Variants in IKBKB-DT observed in about 807,000 individuals in gnomAD.
IKBKB-DT encodes the protein IKBKB divergent transcript.
At chr8:42,246,054 C>T (rs986542200) in intron 3 of IKBKB-DT, among the ~76,000 whole-genome samples, 1 of 151,986 alleles carries the variant, frequency 6.6e-6, no homozygotes, top group Non-Finnish European at 1.5e-5. Context: ...TTTTTTGTTT[C>T]GAGACAGGAT....
At chr8:42,255,990 C>T (rs1807194911) in intron 3 of IKBKB-DT, among the ~76,000 whole-genome samples, 1 of 149,658 alleles carries the variant, frequency 6.7e-6, no homozygotes, top group East Asian at 2.0e-4. Flanking sequence ...TGCACCATTG[C>T]ACTCCAGCCT....
At chr8:42,241,184 G>T (rs1214051161) in intron 3 of IKBKB-DT, among the ~76,000 whole-genome samples, 3 of 130,316 alleles carry the variant, frequency 2.3e-5, no homozygotes, top group African/African-American at 8.2e-5. Context: ...GAAGCTACTG[G>T]TTTATTCCCA....
chr8:42,271,136 G>C (rs945351648), exon 1 of IKBKB-DT: 1 of 535,048 alleles, frequency 1.9e-6, no homozygotes, highest in Non-Finnish European at 3.3e-6. Flanking sequence ...GGTGAGCACG[G>C]TCTGTCTACT....
chr8:42,264,000 T>A (rs1335195671), intron 2 of IKBKB-DT, among the ~76,000 whole-genome samples: 1 of 151,756 alleles, frequency 6.6e-6, no homozygotes, highest in Non-Finnish European at 1.5e-5. Flanking sequence ...TTAGTAGAGA[T>A]GGGGTTTCAC....
chr8:42,266,677 T>C (rs1303821228), intron 1 of IKBKB-DT, among the ~76,000 whole-genome samples: 1 of 152,090 alleles, frequency 6.6e-6, no homozygotes, highest in Non-Finnish European at 1.5e-5. Context: ...CTGCACAAGA[T>C]ATAGGTCATA....
chr8:42,254,812 C>T (rs1436992271), intron 3 of IKBKB-DT, among the ~76,000 whole-genome samples: 8 of 151,268 alleles, frequency 5.3e-5, no homozygotes, highest in African/African-American at 1.9e-4. Flanking sequence ...CCCGGCTACC[C>T]CATCTGGGAA....
At chr8:42,235,941 C>T (rs973893280) in intron 3 of IKBKB-DT, among the ~76,000 whole-genome samples, 6 of 151,810 alleles carry the variant, frequency 4.0e-5, no homozygotes, top group South Asian at 4.2e-4. Context: ...TTGCTTGAAC[C>T]GGGTGGGGGT....
chr8:42,258,021 GA>G (rs1807230512), intron 3 of IKBKB-DT, among the ~76,000 whole-genome samples: 1 of 151,126 alleles, frequency 6.6e-6, no homozygotes, highest in Admixed American at 6.6e-5. Context: ...TGAAACACAG[GA>G]AATTATTCTG....
intron 3 of IKBKB-DT, among the ~76,000 whole-genome samples, chr8:42,252,430 A>G (rs979500103): frequency 1.3e-5 from 2 of 152,038 alleles, no homozygotes; most frequent in Non-Finnish European, 2.9e-5. Flanking sequence ...TGCATCCTCT[A>G]TTTCCTTGGT....
rs150524164 is a variant in IKBKB-DT at position 42,244,531 on chromosome 8, A to T, written n.1530-10672T>A. Among the ~76,000 whole-genome samples, 999 of 152,314 alleles carry T rather than the reference A, an allele frequency of 6.6e-3. 7 individuals are homozygous for T. The highest frequency in any genetic ancestry group is 7.8e-3 in the Non-Finnish European group (532 of 68,028). On this transcript the variant is annotated intron_variant and non_coding_transcript_variant, in intron 3 of 3. Transcript: ENST00000518213. ...AGGTATTCCTGTGCTGATTAATAAT[A>T]ATTTGAAAAAGCAATTGAATTTTTT... is the stretch of plus-strand genomic sequence containing the variant.
At chr8:42,239,908 G>A (rs1026713988) in intron 3 of IKBKB-DT, among the ~76,000 whole-genome samples, 1 of 151,394 alleles carries the variant, frequency 6.6e-6, no homozygotes, top group Non-Finnish European at 1.5e-5. Flanking sequence ...CAAAGTGTTG[G>A]GATTATAGGC....
At chr8:42,242,935 T>G (rs1000279514) in intron 3 of IKBKB-DT, among the ~76,000 whole-genome samples, 1 of 152,232 alleles carries the variant, frequency 6.6e-6, no homozygotes, top group Non-Finnish European at 1.5e-5. Flanking sequence ...AGTTGCTACT[T>G]GCAGAATCCA....
chr8:42,248,621 C>G (rs1311867310), intron 3 of IKBKB-DT, among the ~76,000 whole-genome samples: 3 of 152,118 alleles, frequency 2.0e-5, no homozygotes, highest in Non-Finnish European at 4.4e-5. Flanking sequence ...TGGCTCATGT[C>G]TGTAATCCCA....
intron 3 of IKBKB-DT, among the ~76,000 whole-genome samples, chr8:42,248,455 G>T (rs1807088967): frequency 6.6e-6 from 1 of 152,294 alleles, no homozygotes; most frequent in Admixed American, 6.5e-5. Context: ...TAGAAAGGTA[G>T]ATGTTTTCCA....
chr8:42,263,847 T>C (rs1159113615), intron 2 of IKBKB-DT, among the ~76,000 whole-genome samples: 1 of 152,258 alleles, frequency 6.6e-6, no homozygotes, highest in Non-Finnish European at 1.5e-5. Flanking sequence ...GTTTCATTCC[T>C]GTTGCCCAGG....
At chr8:42,267,293 T>C (rs1403961841) in intron 1 of IKBKB-DT, among the ~76,000 whole-genome samples, 1 of 152,170 alleles carries the variant, frequency 6.6e-6, no homozygotes, top group East Asian at 1.9e-4. Context: ...CCACCATGCC[T>C]GGCCCCTACT....
intron 3 of IKBKB-DT, among the ~76,000 whole-genome samples, chr8:42,250,637 A>C (rs1184503135): frequency 1.3e-5 from 2 of 152,022 alleles, no homozygotes; most frequent in Non-Finnish European, 2.9e-5. Context: ...CAGGGCCGGG[A>C]GGGGTGAGGA....
chr8:42,239,636 T>TATATATATATATATA lies in IKBKB-DT; in HGVS notation n.1530-5778_1530-5777insTATATATATATATAT, dbSNP rs55662464. Among the ~76,000 whole-genome samples the TATATATATATATATA allele has an allele frequency of 6.4e-3, 179 of 28,110 alleles. 9 individuals carry two copies. The highest frequency in any genetic ancestry group is 0.019 in the East Asian group (14 of 724). The allele number at this position is 28,110 out of a possible 152,430, so 18.4% of individuals were successfully genotyped here. On this transcript the variant is annotated intron_variant and non_coding_transcript_variant, in intron 3 of 3. Transcript: ENST00000518213. The stretch of plus-strand genomic sequence containing the variant: ...AATTTATATATATATATATATATAT[T>TATATATATATATATA]TATTTATTTATTCATTTTTTTTTTT...
At chr8:42,259,880 G>A (rs1318525326) in intron 3 of IKBKB-DT, among the ~76,000 whole-genome samples, 1 of 151,608 alleles carries the variant, frequency 6.6e-6, no homozygotes, top group Non-Finnish European at 1.5e-5. Flanking sequence ...TACTCGGGAG[G>A]CTGAGGCAGG....
Sources: allele counts gnomAD v4.1 joint callset (sites outside exome capture counted in the v4.1 genomes callset), GRCh38; gene constraint gnomAD v4.1.1; transcripts MANE v1.5; gene names NCBI Gene and HGNC (gene_info 2026-07-23, HGNC 2026-07-21).